Variants in SEL1L2 observed in about 807,000 individuals in gnomAD.
The protein encoded by SEL1L2 is SEL1L2 adaptor subunit of SYVN1 ubiquitin ligase, also known as protein sel-1 homolog 2.
A neutral mutation model predicts 98.8 loss-of-function variants in SEL1L2; 89 were observed. The observed-to-expected ratio is 0.90, with a 90% CI of 0.76 to 1.07. SEL1L2 has a LOEUF of 1.07. SEL1L2 is among the 50% of genes least tolerant of loss of function. The pLI, the probability that SEL1L2 is intolerant of heterozygous loss-of-function variation, is 0.00. For missense variants in SEL1L2, 788 were observed against 812.0 expected (o/e 0.97, Z 0.36); for synonymous variants, 262 against 278.5 (o/e 0.94, Z 0.59).
At chr20:13,961,419 G>T (rs538445254) in intron 1 of SEL1L2, among the ~76,000 whole-genome samples, 73 of 152,274 alleles carry the variant, frequency 4.8e-4, no homozygotes, top group African/African-American at 1.7e-3. Context: ...ATTTTGAAGT[G>T]GTAGGGAAGA....
intron 5 of SEL1L2, among the ~76,000 whole-genome samples, chr20:13,909,284 T>C (rs1463193139): frequency 6.6e-6 from 1 of 152,238 alleles, no homozygotes; most frequent in Non-Finnish European, 1.5e-5. Context: ...TAGAGAACTG[T>C]GGTCAGAATG....
At chr20:13,874,458 C>G (rs1440184773) in intron 12 of SEL1L2, among the ~76,000 whole-genome samples, 1 of 152,122 alleles carries the variant, frequency 6.6e-6, no homozygotes, top group African/African-American at 2.4e-5. Context: ...ACCGGAGACC[C>G]AGATCACTGC....
intron 5 of SEL1L2, among the ~76,000 whole-genome samples, chr20:13,896,941 G>A (rs1483171263): frequency 6.6e-6 from 1 of 152,146 alleles, no homozygotes; most frequent in East Asian, 1.9e-4. Context: ...AAAGAACCAT[G>A]CATAGCCAAA....
At chr20:13,940,364 T>C (rs951048846) in intron 2 of SEL1L2, among the ~76,000 whole-genome samples, 41 of 152,176 alleles carry the variant, frequency 2.7e-4, no homozygotes, top group Non-Finnish European at 5.6e-4. Context: ...GGACAGTAAG[T>C]ACGAATGCCC....
Position 13,857,761 on chromosome 20 carries a change from T to C in SEL1L2, c.1818+1501A>G, listed in dbSNP as rs185988737. On this transcript the variant is annotated intron_variant, in intron 18 of 19. Transcript: ENST00000284951. Reference sequence around the variant, plus strand: ...TGAGTAGAGAAAGGCTTTAATCTTATTGAAGCCTTACTTAGCAGTTGCTCT... The same window carrying C: ...TGAGTAGAGAAAGGCTTTAATCTTACTGAAGCCTTACTTAGCAGTTGCTCT... 1.7e-3 allele frequency among the ~76,000 whole-genome samples: 262 copies of C among 152,362 alleles called. 2 individuals carry two copies. Among genetic ancestry groups the C allele is most frequent in the African/African-American group, 5.7e-3 (236 of 41,586 alleles).
chr20:13,990,756 G>T, upstream of SEL1L2: 1 of 512,880 alleles, frequency 1.9e-6, no homozygotes, highest in South Asian at 2.9e-5. Flanking sequence ...CTATTCCTCT[G>T]GCTGAAGATA....
At chr20:13,987,680 T>C (rs1846274512) in intron 1 of SEL1L2, among the ~76,000 whole-genome samples, 1 of 152,128 alleles carries the variant, frequency 6.6e-6, no homozygotes, top group South Asian at 2.1e-4. Context: ...ATAACCATCC[T>C]AGTGGGTGTG....
chr20:13,931,050 T>C (rs76569039), intron 3 of SEL1L2, among the ~76,000 whole-genome samples: 1 of 8,782 alleles, frequency 1.1e-4, no homozygotes. Context: ...GAGTATCTAT[T>C]TTTTTTTTTT....
At chr20:13,888,101 A>G in intron 6 of SEL1L2, 100 bp from the exon 7 acceptor site, 4 of 928,896 alleles carry the variant, frequency 4.3e-6, no homozygotes, top group Admixed American at 2.2e-5. Context: ...TAGCTCCATA[A>G]TGACCCATTG....
intron 1 of SEL1L2, among the ~76,000 whole-genome samples, chr20:13,981,237 C>T (rs1442728344): frequency 6.6e-6 from 1 of 151,948 alleles, no homozygotes; most frequent in Admixed American, 6.6e-5. Context: ...AGCAAAACTC[C>T]ACAACCCCCC....
intron 1 of SEL1L2, among the ~76,000 whole-genome samples, chr20:13,958,920 C>A (rs1335883108): frequency 1.1e-5 from 1 of 86,964 alleles, no homozygotes; most frequent in Non-Finnish European, 2.6e-5. Flanking sequence ...GAGACTCTGT[C>A]TCAAAAAAAA....
At chr20:13,989,686 T>C (rs907970440) in intron 1 of SEL1L2, among the ~76,000 whole-genome samples, 7 of 152,246 alleles carry the variant, frequency 4.6e-5, no homozygotes, top group Non-Finnish European at 8.8e-5. Flanking sequence ...TTGAATTTTG[T>C]CAAATGCTTT....
intron 18 of SEL1L2, among the ~76,000 whole-genome samples, chr20:13,852,508 A>G (rs990248444): frequency 2.3e-4 from 35 of 152,190 alleles, no homozygotes; most frequent in African/African-American, 6.0e-4. Context: ...AAGTCATGCA[A>G]ACAAAAAAAT....
chr20:13,880,445 T>C (rs1236617668), intron 10 of SEL1L2, among the ~76,000 whole-genome samples: 1 of 152,212 alleles, frequency 6.6e-6, no homozygotes, highest in African/African-American at 2.4e-5. Flanking sequence ...TCCCTTTTTT[T>C]TTCTCATTTT....
chr20:13,854,440 T>C (rs1283137564), intron 18 of SEL1L2, among the ~76,000 whole-genome samples: 1 of 152,190 alleles, frequency 6.6e-6, no homozygotes, highest in Admixed American at 6.5e-5. Context: ...CAGTGCTGAT[T>C]CCCCTACCTG....
At chr20:13,888,355 A>T (rs746229041) in intron 6 of SEL1L2, 104 bp downstream of exon 6, 6 of 765,966 alleles carry the variant, frequency 7.8e-6, no homozygotes, top group Non-Finnish European at 1.3e-5. Context: ...GGTGTTTTCA[A>T]CTACTACACT....
At chr20:13,885,880 A>C (rs1440441452) in intron 9 of SEL1L2, among the ~76,000 whole-genome samples, 2 of 151,992 alleles carry the variant, frequency 1.3e-5, no homozygotes, top group Non-Finnish European at 2.9e-5. Flanking sequence ...CTAAAAATAC[A>C]AAAAATTAGC....
intron 4 of SEL1L2, among the ~76,000 whole-genome samples, chr20:13,916,262 T>C (rs1460157820): frequency 6.6e-6 from 1 of 152,102 alleles, no homozygotes; most frequent in African/African-American, 2.4e-5. Context: ...ACCCAGGAAG[T>C]AGCAAAGCAA....
chr20:13,892,216 G>A (rs1016312281), intron 5 of SEL1L2, among the ~76,000 whole-genome samples: 30 of 152,182 alleles, frequency 2.0e-4, no homozygotes, highest in African/African-American at 6.5e-4. Context: ...TTGGGAGGCC[G>A]AGGTGAATGG....
Sources: gnomAD v4.1 joint callset for allele counts (sites outside exome capture counted in the v4.1 genomes callset) on GRCh38, gnomAD v4.1.1 for gene constraint, MANE v1.5 for transcripts, NCBI Gene and HGNC (gene_info 2026-07-23, HGNC 2026-07-21) for gene names.